The following PCDHGB2 variants were observed in gnomAD, a reference collection of about 807,000 sequenced individuals.
PCDHGB2 encodes the protein protocadherin gamma-B2.
Under a neutral mutation model 59.3 loss-of-function variants are expected in PCDHGB2, and 55 were observed. The ratio of observed to expected loss-of-function variants is 0.93; its 90% confidence interval spans 0.75 to 1.16. The LOEUF is 1.16. Ranked by LOEUF, PCDHGB2 falls within the 50% of genes most tolerant of loss-of-function variation. The pLI is 0.00. For missense variants in PCDHGB2, 1,228 were observed against 1,198.5 expected (o/e 1.02, Z -0.36); for synonymous variants, 516 against 512.0 (o/e 1.01, Z -0.11).
At chr5:141,394,278 TACTC>T in intron 1 of PCDHGB2, 1 of 1,613,924 alleles carries the variant, frequency 6.2e-7, no homozygotes, top group East Asian at 2.2e-5. Flanking sequence ...CCAGGTCACT[TACTC>T]TGTGACCGAG....
At chr5:141,408,504 G>C (rs752297449) in intron 1 of PCDHGB2, 2 of 1,613,936 alleles carry the variant, frequency 1.2e-6, no homozygotes, top group Non-Finnish European at 1.7e-6. Context: ...GAGAGAAGAA[G>C]ATGTGAGTTG....
Position 141,360,020 on chromosome 5 carries a change from G to A in PCDHGB2, c.-116G>A. On this transcript the variant is annotated 5_prime_UTR_variant, in exon 1 of 4. Coordinates refer to ENST00000522605, the MANE Select transcript of PCDHGB2 (RefSeq NM_018923.3). Reference sequence around the variant, plus strand: ...TGCACAAACCAACCACACAGAGAAGGCCAGTATAGATTCGGAAACAGAAAA... The same window carrying A: ...TGCACAAACCAACCACACAGAGAAGACCAGTATAGATTCGGAAACAGAAAA... The A allele has an allele frequency of 7.7e-7, 1 of 1,294,416 alleles. No homozygotes were observed. The highest frequency in any genetic ancestry group is 1.6e-5 in the South Asian group (1 of 62,006). 80.2% of individuals were successfully genotyped at this position (1,294,416 alleles called of 1,614,324 possible).
At chr5:141,507,704 G>A (rs989196400) in intron 3 of PCDHGB2, among the ~76,000 whole-genome samples, 5 of 152,210 alleles carry the variant, frequency 3.3e-5, no homozygotes, top group African/African-American at 9.6e-5. Context: ...AGTATTTATG[G>A]CCCCAAACCC....
At chr5:141,509,310 G>A (rs1223508453) in intron 3 of PCDHGB2, among the ~76,000 whole-genome samples, 2 of 152,174 alleles carry the variant, frequency 1.3e-5, no homozygotes, top group Non-Finnish European at 1.5e-5. Flanking sequence ...GAGGGAGGCT[G>A]GGAGAGAAGC....
At chr5:141,393,842 T>C (rs1010461527) in intron 1 of PCDHGB2, 5 of 1,613,948 alleles carry the variant, frequency 3.1e-6, no homozygotes, top group Non-Finnish European at 4.2e-6. Context: ...TAAATGACAA[T>C]AGACCAGAAG....
rs1281253972 is a variant in PCDHGB2, at chr5:141,362,373, T to A, written c.2238T>A (p.Gly746=). 2 of 1,614,038 alleles carry A rather than the reference T, an allele frequency of 1.2e-6. No homozygotes were observed. The highest frequency in any genetic ancestry group is 1.7e-6 in the Non-Finnish European group (2 of 1,179,894). The change falls in exon 1 of 4, where the codon GGT becomes GGA. Residue 746 remains glycine (G), a synonymous_variant. Coordinates refer to ENST00000522605, the MANE Select transcript of PCDHGB2 (RefSeq NM_018923.3). ...GPGVLPNYSE[G]TLPYSYNLCV... is the part of the protein sequence containing the mutation. ...GGGTTCTCCCCAATTACAGTGAGGG[T>A]ACATTGCCCTATTCCTACAACCTGT...
At chr5:141,386,621 G>T (rs780529864) in intron 1 of PCDHGB2, among the ~76,000 whole-genome samples, 1 of 151,474 alleles carries the variant, frequency 6.6e-6, no homozygotes, top group Non-Finnish European at 1.5e-5. Flanking sequence ...ATGGAGTCTC[G>T]CTCTGTCACC....
At chr5:141,439,151 C>T (rs563575567) in intron 1 of PCDHGB2, among the ~76,000 whole-genome samples, 1 of 150,892 alleles carries the variant, frequency 6.6e-6, no homozygotes, top group Admixed American at 6.6e-5. Context: ...TGAGATCACG[C>T]CACTGCACTC....
Position 141,423,691 on chromosome 5 carries a change from T to C in PCDHGB2, c.2421+61135T>C. On this transcript the variant is annotated intron_variant, in intron 1 of 3. Coordinates refer to ENST00000522605, the MANE Select transcript of PCDHGB2 (RefSeq NM_018923.3). Reference sequence around the variant, plus strand: ...ATTTATTTCTCTGCCTCCTAATTGTTGGTGTCTTGGCACAAGTCTTTTAAG... The same window carrying C: ...ATTTATTTCTCTGCCTCCTAATTGTCGGTGTCTTGGCACAAGTCTTTTAAG... 5 of 1,506,830 alleles carry C rather than the reference T, an allele frequency of 3.3e-6. No individual in the cohort carries two copies. The South Asian group carries it at 6.9e-5, about 21-fold the overall frequency. 93.3% of individuals were successfully genotyped at this position (1,506,830 alleles called of 1,614,324 possible).
intron 1 of PCDHGB2, chr5:141,395,210 A>T (rs200048432): frequency 1.9e-6 from 3 of 1,613,418 alleles, no homozygotes; most frequent in Non-Finnish European, 2.5e-6. Context: ...ATTTTCATGA[A>T]TATAAGAATG....
At chr5:141,399,063 A>G (rs762517133) in intron 1 of PCDHGB2, 1 of 1,613,714 alleles carries the variant, frequency 6.2e-7, no homozygotes, top group South Asian at 1.1e-5. Flanking sequence ...AGGAATATTC[A>G]ATGGTTGTAG....
chr5:141,431,092 G>A lies in PCDHGB2; in HGVS notation c.2422-63715G>A. On this transcript the variant is annotated intron_variant, in intron 1 of 3. Coordinates refer to ENST00000522605, the MANE Select transcript of PCDHGB2 (RefSeq NM_018923.3). This position sits in a 1 kb window ranked among gnomAD's most constrained non-coding sequence, Gnocchi z 4.8. ...AATTAAATCTAGACATTCTGATGGAGGATAAAGTGAAAATATATGGAGTAG... is the reference window on the plus strand; with the variant it reads ...AATTAAATCTAGACATTCTGATGGAAGATAAAGTGAAAATATATGGAGTAG... 1 of 1,614,252 alleles carries A rather than the reference G, an allele frequency of 6.2e-7. No individual in the cohort carries two copies. The highest frequency in any genetic ancestry group is 1.1e-5 in the South Asian group (1 of 91,090).
chr5:141,430,458 A>G, intron 1 of PCDHGB2: 1 of 204,230 alleles, frequency 4.9e-6, no homozygotes, highest in Non-Finnish European at 9.7e-6. Context: ...GAAGAACAGT[A>G]GGTGGAGCTA....
intron 1 of PCDHGB2, chr5:141,365,026 C>G (rs897510737): frequency 2.5e-6 from 4 of 1,613,890 alleles, no homozygotes; most frequent in Non-Finnish European, 3.4e-6. Flanking sequence ...GTGTTACGGT[C>G]CTCGACGCAA....
chr5:141,456,968 A>AAAACAAAC (rs202005606), intron 1 of PCDHGB2, among the ~76,000 whole-genome samples: 1 of 152,282 alleles, frequency 6.6e-6, no homozygotes, highest in Admixed American at 6.5e-5. Flanking sequence ...ATCTCAAAAC[A>AAAACAAAC]AAACAAACAA....
Position 141,415,578 on chromosome 5 carries a change from G to A in PCDHGB2, c.2421+53022G>A, listed in dbSNP as rs372519745. On this transcript the variant is annotated intron_variant, in intron 1 of 3. Transcript: ENST00000522605. ...ATCCTTTGTCTTTGTTAGATGATTCGAAGTTTCCTATAGAGGATACCCCAT... is the reference window on the plus strand; with the variant it reads ...ATCCTTTGTCTTTGTTAGATGATTCAAAGTTTCCTATAGAGGATACCCCAT... 678 of 1,613,890 alleles carry A rather than the reference G, an allele frequency of 4.2e-4. 10 individuals are homozygous for A. In the South Asian group the frequency reaches 6.8e-3, roughly 16 times the overall value.
At chr5:141,426,714 C>T (rs779529448) in intron 1 of PCDHGB2, 2 of 444,724 alleles carry the variant, frequency 4.5e-6, no homozygotes, top group South Asian at 3.1e-5. Flanking sequence ...AATCAATGAA[C>T]TAGCAATTCC....
At chr5:141,478,759 A>G in intron 1 of PCDHGB2, 2 of 1,514,800 alleles carry the variant, frequency 1.3e-6, no homozygotes, top group African/African-American at 1.4e-5. Flanking sequence ...GGGGGAAGAT[A>G]CTTGACTCAT....
At position 141,431,738 on chromosome 5, in the gene PCDHGB2, TA is replaced by T; in HGVS notation, c.2422-63068del. ...AGTGCAAGCAATGGATAATGCAGGA[TA>T]TTCTGCGCGAGCCAAAGTCCTGATC... On this transcript the variant is annotated intron_variant, in intron 1 of 3. Coordinates refer to ENST00000522605, the MANE Select transcript of PCDHGB2 (RefSeq NM_018923.3). The surrounding 1 kb of genome is among the most constrained non-coding windows in gnomAD (Gnocchi z 4.8). The T allele has an allele frequency of 6.2e-7, 1 of 1,614,234 alleles. No individual in the cohort carries two copies. Among genetic ancestry groups the T allele is most frequent in the South Asian group, 1.1e-5 (1 of 91,092 alleles).
Sources: gnomAD v4.1 joint callset for allele counts (sites outside exome capture counted in the v4.1 genomes callset) on GRCh38, gnomAD v4.1.1 for gene constraint, Gnocchi (gnomAD v3.1) non-coding constraint, MANE v1.5 for transcripts, NCBI Gene and HGNC (gene_info 2026-07-23, HGNC 2026-07-21) for gene names.